PACSIN2: variants seen among roughly 807,000 people sequenced by gnomAD.
PACSIN2 encodes the protein protein kinase C and casein kinase substrate in neurons protein 2.
A neutral mutation model predicts 63.8 loss-of-function variants in PACSIN2; 25 were observed. The ratio of observed to expected loss-of-function variants is 0.39; its 90% confidence interval spans 0.29 to 0.55. The LOEUF is 0.55. Among genes scored for constraint, PACSIN2 ranks in the 20% least tolerant of loss-of-function variants. The pLI, the probability that PACSIN2 is intolerant of heterozygous loss-of-function variation, is 0.62. For synonymous variants in PACSIN2, 255 were observed against 256.2 expected (o/e 1.00, Z 0.05); for missense variants, 518 against 646.9 (o/e 0.80, Z 2.16).
At chr22:42,904,072 C>A (rs1930890812) in intron 2 of PACSIN2, among the ~76,000 whole-genome samples, 1 of 152,160 alleles carries the variant, frequency 6.6e-6, no homozygotes, top group South Asian at 2.1e-4. Context: ...CACAGAAACC[C>A]AGAAATTGCA....
intron 1 of PACSIN2, among the ~76,000 whole-genome samples, chr22:42,927,086 C>A (rs969554310): frequency 6.6e-6 from 1 of 152,166 alleles, no homozygotes; most frequent in Admixed American, 6.5e-5. Flanking sequence ...CTCCTCATGG[C>A]CAGTTCTGTC....
Position 42,995,338 on chromosome 22 carries a change from C to CT in PACSIN2, c.-78+19682dup, listed in dbSNP as rs563957772. Among the ~76,000 whole-genome samples the CT allele has an allele frequency of 1.1e-4, 17 of 152,354 alleles. No homozygotes were observed. The South Asian group carries it at 3.5e-3, about 32-fold the overall frequency. On this transcript the variant is annotated intron_variant, in intron 1 of 10. Coordinates refer to ENST00000263246, the MANE Select transcript of PACSIN2 (RefSeq NM_001184970.3). ...ATGCAAATATTTAAAGAACAGGCTGCTTTTGGTGCCAGGAGGACGGCAGCT... is the reference window on the plus strand; with the variant it reads ...ATGCAAATATTTAAAGAACAGGCTGCTTTTTGGTGCCAGGAGGACGGCAGCT...
chr22:42,994,797 TG>T (rs1447919119), intron 1 of PACSIN2, among the ~76,000 whole-genome samples: 1 of 152,180 alleles, frequency 6.6e-6, no homozygotes, highest in Non-Finnish European at 1.5e-5. Context: ...ATGAAAGGTC[TG>T]GGGGCTGCGG....
intron 7 of PACSIN2, among the ~76,000 whole-genome samples, chr22:42,879,522 C>T (rs879515194): frequency 1.3e-5 from 2 of 152,194 alleles, no homozygotes; most frequent in Non-Finnish European, 2.9e-5. Flanking sequence ...ACCCCACCCA[C>T]CAAGGTTCTC....
intron 1 of PACSIN2, among the ~76,000 whole-genome samples, chr22:42,965,526 G>A (rs1053371850): frequency 2.6e-5 from 4 of 152,188 alleles, no homozygotes; most frequent in South Asian, 2.1e-4. Flanking sequence ...CCTACCCAGC[G>A]TCTGCATCTG....
intron 2 of PACSIN2, among the ~76,000 whole-genome samples, chr22:42,905,340 GT>G (rs1375199041): frequency 1.3e-5 from 2 of 152,216 alleles, no homozygotes; most frequent in Admixed American, 1.3e-4. Context: ...TGCAGAAACG[GT>G]AAGTGTAGAG....
chr22:42,962,429 G>C (rs965414092), intron 1 of PACSIN2, among the ~76,000 whole-genome samples: 1 of 152,136 alleles, frequency 6.6e-6, no homozygotes, highest in Non-Finnish European at 1.5e-5. Context: ...CGCAAGGAGA[G>C]CCAGCCTGTA....
intron 1 of PACSIN2, among the ~76,000 whole-genome samples, chr22:42,983,316 C>CA (rs1180708676): frequency 0.044 from 2,775 of 63,492 alleles, 210 homozygotes; most frequent in African/African-American, 0.12. Context: ...GACTCCATCT[C>CA]AAAAAAAAAA....
At chr22:42,971,214 C>T (rs1807571) in intron 1 of PACSIN2, among the ~76,000 whole-genome samples, 91,574 of 152,028 alleles carry the variant, frequency 0.6, 28,133 homozygotes, top group East Asian at 0.78. Context: ...GCCTGCCAAG[C>T]GCCTGGGATT....
chr22:42,969,354 G>C (rs1283244716), intron 1 of PACSIN2, among the ~76,000 whole-genome samples: 1 of 152,036 alleles, frequency 6.6e-6, no homozygotes, highest in African/African-American at 2.4e-5. Flanking sequence ...CATTTCAATT[G>C]GAATTCTTTT....
chr22:42,989,256 G>C (rs1278950222), intron 1 of PACSIN2, among the ~76,000 whole-genome samples: 2 of 152,192 alleles, frequency 1.3e-5, no homozygotes, highest in Non-Finnish European at 2.9e-5. Context: ...CCAGCACTTT[G>C]GGAGGCGAGG....
intron 1 of PACSIN2, among the ~76,000 whole-genome samples, chr22:42,985,148 C>T (rs1409506089): frequency 3.9e-5 from 6 of 152,172 alleles, no homozygotes; most frequent in East Asian, 1.9e-4. Context: ...GGCCAACATG[C>T]GAAACCCCAT....
chr22:42,989,999 T>C (rs1922919443), intron 1 of PACSIN2, among the ~76,000 whole-genome samples: 1 of 103,214 alleles, frequency 9.7e-6, no homozygotes, highest in African/African-American at 3.8e-5. Context: ...TATACATATA[T>C]ACACACACAT....
intron 1 of PACSIN2, among the ~76,000 whole-genome samples, chr22:42,942,645 C>G (rs1282744132): frequency 6.6e-6 from 1 of 152,170 alleles, no homozygotes; most frequent in Non-Finnish European, 1.5e-5. Flanking sequence ...GTTGTCCCAG[C>G]GTCACTTGTT....
chr22:42,873,105 A>AT (rs1291054561), intron 10 of PACSIN2, among the ~76,000 whole-genome samples: 1 of 152,260 alleles, frequency 6.6e-6, no homozygotes, highest in African/African-American at 2.4e-5. Context: ...AAAAAGCAGG[A>AT]TAACACAGAA....
intron 1 of PACSIN2, among the ~76,000 whole-genome samples, chr22:43,014,232 G>A (rs530824583): frequency 6.6e-6 from 1 of 150,946 alleles, no homozygotes; most frequent in South Asian, 2.1e-4. Context: ...GAAACTCTGA[G>A]GAGGGTCACA....
chr22:42,932,536 G>T (rs1441948415), intron 1 of PACSIN2, among the ~76,000 whole-genome samples: 1 of 152,130 alleles, frequency 6.6e-6, no homozygotes, highest in Non-Finnish European at 1.5e-5. Flanking sequence ...CAAGTGAAAT[G>T]GTGGGACAGT....
chr22:42,959,692 G>T (rs1934059591), intron 1 of PACSIN2: 1 of 152,208 alleles, frequency 6.6e-6, no homozygotes, highest in South Asian at 2.1e-4. Context: ...GAAGGTGAGA[G>T]TTCTGTTAAA....
intron 1 of PACSIN2, among the ~76,000 whole-genome samples, chr22:42,989,428 G>A (rs1222588275): frequency 6.6e-6 from 1 of 150,870 alleles, no homozygotes; most frequent in Non-Finnish European, 1.5e-5. Context: ...AACCTGGGAG[G>A]TGGAGGTTGC....
Sources: gnomAD v4.1 joint callset for allele counts (sites outside exome capture counted in the v4.1 genomes callset) on GRCh38, gnomAD v4.1.1 for gene constraint, MANE v1.5 for transcripts, NCBI Gene and HGNC (gene_info 2026-07-23, HGNC 2026-07-21) for gene names.